The following NDE1 variants were observed in gnomAD, a reference collection of about 807,000 sequenced individuals.
NDE1 encodes the protein nuclear distribution protein nudE homolog 1.
NDE1 carries 28 observed loss-of-function variants against 43.4 expected under a neutral mutation model. The ratio of observed to expected loss-of-function variants is 0.65; its 90% CI spans 0.48 to 0.89. The LOEUF (loss-of-function observed/expected upper bound fraction) is 0.89, where lower values mean the gene tolerates loss of function less well. Ranked by LOEUF, NDE1 falls within the 40% of genes least tolerant of loss-of-function variation. The pLI is 0.00. For missense variants in NDE1, 441 were observed against 434.1 expected, an observed-to-expected ratio of 1.02 and a Z score of -0.14; for synonymous variants, 184 against 172.0, an observed-to-expected ratio of 1.07 and a Z score of -0.55.
At chr16:15,690,443 G>A (rs1340248804) in intron 5 of NDE1, among the ~76,000 whole-genome samples, 1 of 127,746 alleles carries the variant, frequency 7.8e-6, no homozygotes, top group Non-Finnish European at 1.6e-5. Flanking sequence ...CTGCAGCCTC[G>A]ACTTACTGGA....
In NDE1 at chr16:15,725,150, C is replaced by CA; in HGVS notation, c.*900dup. On this transcript the variant is annotated 3_prime_UTR_variant, in exon 9 of 9. Transcript: ENST00000396354. ...GGACTCTGATAAAAAAAAAAAAAAACACACACACACACAAAAAAAACAGAA... is the reference window on the plus strand; with the variant it reads ...GGACTCTGATAAAAAAAAAAAAAAACAACACACACACACAAAAAAAACAGAA... 1.9e-6 allele frequency: 1 copy of CA among 522,720 alleles called. No individual in the cohort carries two copies. Among genetic ancestry groups the CA allele is most frequent in the Non-Finnish European group, 3.4e-6 (1 of 296,990 alleles). 32.4% of individuals were successfully genotyped at this position (522,720 alleles called of 1,614,324 possible).
intron 8 of NDE1, chr16:15,697,075 G>A: frequency 6.8e-7 from 1 of 1,470,542 alleles, no homozygotes; most frequent in Non-Finnish European, 9.0e-7. Flanking sequence ...GTGAGACAGG[G>A]TCTCACTCTG....
At chr16:15,716,509 T>C (rs2040152811) in intron 8 of NDE1, among the ~76,000 whole-genome samples, 2 of 151,874 alleles carry the variant, frequency 1.3e-5, no homozygotes, top group African/African-American at 4.9e-5. Context: ...ACTTTTGTTT[T>C]TTGGGGTTTT....
At chr16:15,679,600 A>G (rs1028997085) in intron 4 of NDE1, among the ~76,000 whole-genome samples, 7 of 151,946 alleles carry the variant, frequency 4.6e-5, no homozygotes, top group African/African-American at 1.7e-4. Context: ...TGTTCTATTG[A>G]GGTTTCTTGA....
At chr16:15,681,680 C>T (rs2038192036) in intron 4 of NDE1, among the ~76,000 whole-genome samples, 1 of 151,996 alleles carries the variant, frequency 6.6e-6, no homozygotes, top group South Asian at 2.1e-4. Context: ...TTGTTTCCAG[C>T]TTTGTCTGAT....
intron 6 of NDE1, among the ~76,000 whole-genome samples, chr16:15,691,662 A>G (rs2038762242): frequency 6.9e-6 from 1 of 144,456 alleles, no homozygotes; most frequent in Non-Finnish European, 1.5e-5. Flanking sequence ...TTTTTTTGAG[A>G]CAGGATCTCA....
chr16:15,678,062 C>CA, intron 4 of NDE1, 113 bp downstream of exon 4: 7 of 1,333,940 alleles, frequency 5.2e-6, no homozygotes. Flanking sequence ...GTGAGCAGAA[C>CA]AAAGCCAGTG....
chr16:15,719,736 C>T, intron 8 of NDE1: 2 of 1,613,960 alleles, frequency 1.2e-6, no homozygotes, highest in South Asian at 1.1e-5. Context: ...ACAGGGAGGA[C>T]AAGCTCAGAT....
At chr16:15,720,587 G>GAAA (rs79015002) in intron 8 of NDE1, among the ~76,000 whole-genome samples, 1 of 138,774 alleles carries the variant, frequency 7.2e-6, no homozygotes. Context: ...TGTCTCCACT[G>GAAA]AAAAAAAAAA....
At chr16:15,679,030 T>C (rs2151074091) in intron 4 of NDE1, among the ~76,000 whole-genome samples, 1 of 152,120 alleles carries the variant, frequency 6.6e-6, no homozygotes, top group African/African-American at 2.4e-5. Context: ...TGAGCCGAGA[T>C]TGCGCCACTG....
chr16:15,651,627 G>C, intron 1 of NDE1: 2 of 152,036 alleles, frequency 1.3e-5, no homozygotes, highest in Non-Finnish European at 2.9e-5. Flanking sequence ...ATTTTTAGTA[G>C]AGATGGGGTT....
intron 1 of NDE1, 135 bp from the exon 2 acceptor site, chr16:15,664,601 C>T (rs965362000): frequency 8.1e-6 from 5 of 616,454 alleles, no homozygotes; most frequent in Admixed American, 2.8e-5. Flanking sequence ...GTGATCCGCC[C>T]GCCTCAGCCT....
chr16:15,714,578 T>C lies in NDE1; in HGVS notation c.948-9613T>C. On this transcript the variant is annotated intron_variant, in intron 8 of 8. Transcript: ENST00000396354. ...GGGGTGGTGTTGCAGCTTCAATGGA[T>C]GTCGTGAAGACTCAGTGATGCAATG... 3 of 465,280 alleles carry C rather than the reference T, an allele frequency of 6.4e-6. No homozygotes were observed. In the South Asian group the frequency reaches 7.2e-5, roughly 11 times the overall value. The allele number at this position is 465,280 out of a possible 1,614,324, so 28.8% of individuals were successfully genotyped here.
At chr16:15,724,135 A>C in intron 8 of NDE1, 56 bp from the exon 9 acceptor site, 1 of 1,612,090 alleles carries the variant, frequency 6.2e-7, no homozygotes. Context: ...CCATGGCCAG[A>C]GTGGGGGACA....
chr16:15,713,028 A>AT (rs1455801410), intron 8 of NDE1: 1 of 151,260 alleles, frequency 6.6e-6, no homozygotes, highest in Non-Finnish European at 1.5e-5. Flanking sequence ...TAATTTTTAT[A>AT]TTTTTTGGTA....
chr16:15,697,360 C>T lies in NDE1; in HGVS notation c.947+500C>T, dbSNP rs1480711714. Among the ~76,000 whole-genome samples, 2 of 152,088 alleles carry T rather than the reference C, an allele frequency of 1.3e-5. 1 individual carries two copies. Among genetic ancestry groups the T allele is most frequent in the African/African-American group, 4.8e-5 (2 of 41,402 alleles). ...GCCTGGCCAAGAAGGTCATTTTTAT[C>T]ATTTGATTCTACAGCTGCTACTCAC... On this transcript the variant is annotated intron_variant, in intron 8 of 8. Coordinates refer to ENST00000396354, the MANE Select transcript of NDE1 (RefSeq NM_017668.3).
At position 15,725,162 on chromosome 16, in the gene NDE1, C is replaced by A. The variant is rs370768530; in HGVS notation, c.*911C>A. The A allele has an allele frequency of 5.0e-4, 315 of 636,320 alleles. No individual in the cohort carries two copies. The highest frequency in any genetic ancestry group is 2.1e-3 in the East Asian group (77 of 36,254). The allele number at this position is 636,320 out of a possible 1,614,324, so 39.4% of individuals were successfully genotyped here. A position where few individuals can be genotyped will look rare whatever the true frequency, so the allele number is the denominator to read the frequency against. ...AAAAAAAAAAAAACACACACACACA[C>A]AAAAAAAACAGAATCTGTGGCTTGA... On this transcript the variant is annotated 3_prime_UTR_variant, in exon 9 of 9. Coordinates refer to ENST00000396354, the MANE Select transcript of NDE1 (RefSeq NM_017668.3).
At chr16:15,665,222 A>T (rs976339018) in intron 2 of NDE1, among the ~76,000 whole-genome samples, 1 of 152,036 alleles carries the variant, frequency 6.6e-6, no homozygotes, top group African/African-American at 2.4e-5. Flanking sequence ...GCAGGCCTAT[A>T]TGTGCCAGGC....
At chr16:15,668,424 C>G (rs2037424471) in intron 3 of NDE1, among the ~76,000 whole-genome samples, 1 of 152,130 alleles carries the variant, frequency 6.6e-6, no homozygotes, top group Non-Finnish European at 1.5e-5. Flanking sequence ...GGCACCATGC[C>G]TGGTTAGTTT....
Sources: allele counts gnomAD v4.1 joint callset (sites outside exome capture counted in the v4.1 genomes callset), GRCh38; gene constraint gnomAD v4.1.1; transcripts MANE v1.5; gene names NCBI Gene and HGNC (gene_info 2026-07-23, HGNC 2026-07-21).